STX18: variants seen among roughly 807,000 people sequenced by gnomAD.
STX18 encodes syntaxin-18.
STX18 carries 40 observed loss-of-function variants against 50.1 expected under a neutral mutation model. The ratio of observed to expected loss-of-function variants is 0.80; its 90% confidence interval spans 0.62 to 1.04. The LOEUF is 1.04. STX18 is among the 50% of genes least tolerant of loss of function. STX18 has a pLI of 0.00. For missense variants in STX18, 410 were observed against 415.8 expected, an observed-to-expected ratio of 0.99 and a Z score of 0.12; for synonymous variants, 158 against 151.8, an observed-to-expected ratio of 1.04 and a Z score of -0.30.
intron 7 of STX18, among the ~76,000 whole-genome samples, chr4:4,428,305 T>C (rs1725354447): frequency 6.6e-6 from 1 of 152,218 alleles, no homozygotes; most frequent in Admixed American, 6.5e-5. Context: ...GTGATTCTTA[T>C]CCTTTTCTGC....
chr4:4,436,373 T>C (rs1725774590), intron 6 of STX18, among the ~76,000 whole-genome samples: 1 of 152,212 alleles, frequency 6.6e-6, no homozygotes, highest in African/African-American at 2.4e-5. Context: ...GATGACATTC[T>C]TTGGGTAGGA....
Position 4,542,029 on chromosome 4 carries a change from A to G in STX18, c.-65T>C. ...GTAAGCAGCCGGCGACCGCGGCGCG[A>G]ACCCGGCCGCTGAAGGACTGGTCCT... On this transcript the variant is annotated 5_prime_UTR_variant, in exon 1 of 11. Coordinates refer to ENST00000306200, the MANE Select transcript of STX18 (RefSeq NM_016930.4). The G allele has an allele frequency of 6.8e-7, 1 of 1,471,938 alleles. No homozygotes were observed. Among genetic ancestry groups the G allele is most frequent in the South Asian group, 1.4e-5 (1 of 72,716 alleles). 91.2% of individuals were successfully genotyped at this position (1,471,938 alleles called of 1,614,324 possible).
intron 6 of STX18, among the ~76,000 whole-genome samples, chr4:4,436,972 T>C (rs1231941187): frequency 2.7e-5 from 3 of 109,608 alleles, no homozygotes; most frequent in African/African-American, 4.7e-5. Flanking sequence ...TTTTTTTTTT[T>C]TTTTGAGACG....
In STX18 at chr4:4,467,234, T is replaced by G. The variant is rs1219208417; in HGVS notation, c.236+4405A>C. The stretch of plus-strand genomic sequence containing the variant: ...GGCTAATTTGTTGGTTTTACAAAGG[T>G]GGCCTTGTCCCCAAGCAAGAAGGGC... On this transcript the variant is annotated intron_variant, in intron 2 of 10. Coordinates refer to ENST00000306200, the MANE Select transcript of STX18 (RefSeq NM_016930.4). 2.6e-5 allele frequency among the ~76,000 whole-genome samples: 4 copies of G among 152,294 alleles called. No homozygotes were observed. The East Asian group carries it at 7.7e-4, about 29-fold the overall frequency.
In STX18 at chr4:4,497,104, G is replaced by T. The variant is rs60462655; in HGVS notation, c.169-25398C>A. 7.0e-3 allele frequency among the ~76,000 whole-genome samples: 1,060 copies of T among 152,256 alleles called. 12 individuals are homozygous for T. Among genetic ancestry groups the T allele is most frequent in the African/African-American group, 0.023 (972 of 41,522 alleles). ...ATCTAGGCCCTGGATTGGCTCTACT[G>T]GCCCACGGTGGACACTGTCCAGGCT... On this transcript the variant is annotated intron_variant, in intron 1 of 10. Coordinates refer to ENST00000306200, the MANE Select transcript of STX18 (RefSeq NM_016930.4).
At chr4:4,537,936 G>T (rs948029181) in intron 1 of STX18, among the ~76,000 whole-genome samples, 29 of 152,194 alleles carry the variant, frequency 1.9e-4, no homozygotes, top group Non-Finnish European at 3.5e-4. Flanking sequence ...ACAGGAGAAT[G>T]TAGTGGGCAG....
upstream of STX18, chr4:4,542,150 G>T (rs995485201): frequency 1.4e-5 from 10 of 729,694 alleles, no homozygotes; most frequent in South Asian, 1.6e-4. Context: ...TCCGGCCTCA[G>T]CCGGCGCACC....
intron 2 of STX18, among the ~76,000 whole-genome samples, chr4:4,468,891 G>A (rs1406647002): frequency 2.0e-5 from 3 of 152,112 alleles, no homozygotes; most frequent in Non-Finnish European, 4.4e-5. Flanking sequence ...TTCTCTATTA[G>A]ATAAATGGAT....
At chr4:4,541,714 G>A in intron 1 of STX18, 83 bp downstream of exon 1, 1 of 1,485,690 alleles carries the variant, frequency 6.7e-7, no homozygotes, top group Admixed American at 2.0e-5. Context: ...ATGCTTACGG[G>A]ACGGGGTCTG....
intron 9 of STX18, 102 bp from the exon 10 acceptor site, chr4:4,421,046 C>A: frequency 8.5e-7 from 1 of 1,174,614 alleles, no homozygotes; most frequent in Non-Finnish European, 1.2e-6. Context: ...TGTCAGCGCT[C>A]AGAAAGTTTC....
At chr4:4,473,646 G>C (rs989097285) in intron 1 of STX18, among the ~76,000 whole-genome samples, 1 of 152,056 alleles carries the variant, frequency 6.6e-6, no homozygotes, top group Non-Finnish European at 1.5e-5. Flanking sequence ...ACGCAAGCAA[G>C]GTGTTCATTC....
intron 1 of STX18, among the ~76,000 whole-genome samples, chr4:4,527,028 C>T (rs1056761441): frequency 6.6e-6 from 1 of 152,136 alleles, no homozygotes; most frequent in African/African-American, 2.4e-5. Flanking sequence ...TTTGATTTAA[C>T]TTCCTCTTGT....
intron 1 of STX18, among the ~76,000 whole-genome samples, chr4:4,483,785 C>T (rs73796022): frequency 3.9e-5 from 6 of 152,294 alleles, no homozygotes; most frequent in East Asian, 3.9e-4. Context: ...TACTCTGAAT[C>T]GAGGTCAGCT....
intron 1 of STX18, chr4:4,507,562 C>T (rs1193504146): frequency 3.9e-6 from 3 of 765,396 alleles, no homozygotes; most frequent in South Asian, 1.4e-5. Flanking sequence ...CAGGAGTGCA[C>T]TCTGACAGCT....
intron 2 of STX18, among the ~76,000 whole-genome samples, chr4:4,466,989 T>C (rs1340769677): frequency 6.6e-6 from 1 of 151,916 alleles, no homozygotes; most frequent in Non-Finnish European, 1.5e-5. Context: ...GCTGTCCTCT[T>C]GCACAGAGTC....
chr4:4,502,580 A>G (rs1024681878), intron 1 of STX18, among the ~76,000 whole-genome samples: 1 of 152,186 alleles, frequency 6.6e-6, no homozygotes, highest in Admixed American at 6.5e-5. Flanking sequence ...TCAGTGAAAA[A>G]AAAATATTGA....
chr4:4,447,092 C>G (rs181610965), intron 5 of STX18, among the ~76,000 whole-genome samples: 653 of 152,312 alleles, frequency 4.3e-3, no homozygotes, highest in Non-Finnish European at 6.7e-3. Flanking sequence ...TAGGTATACA[C>G]ATATGATTAT....
chr4:4,435,918 G>A (rs1725751936), intron 6 of STX18, among the ~76,000 whole-genome samples: 2 of 152,226 alleles, frequency 1.3e-5, no homozygotes, highest in African/African-American at 2.4e-5. Flanking sequence ...GGTTGGGAGC[G>A]GAGGGGAGAG....
At chr4:4,475,043 G>T (rs1321630309) in intron 1 of STX18, among the ~76,000 whole-genome samples, 2 of 152,164 alleles carry the variant, frequency 1.3e-5, no homozygotes, top group Non-Finnish European at 2.9e-5. Flanking sequence ...GGAATCTACT[G>T]TACAGGTTAG....
Sources: gnomAD v4.1 joint callset for allele counts (sites outside exome capture counted in the v4.1 genomes callset) on GRCh38, gnomAD v4.1.1 for gene constraint, MANE v1.5 for transcripts, NCBI Gene and HGNC (gene_info 2026-07-23, HGNC 2026-07-21) for gene names.